Variants in NOXA1 observed in about 807,000 individuals in gnomAD.
NOXA1 encodes the protein NADPH oxidase activator 1, also known as NCF2-like protein.
In NOXA1, 56 loss-of-function variants were observed where a neutral mutation model predicts 64.8. The observed-to-expected ratio is 0.86, with a 90% CI of 0.70 to 1.08. NOXA1 has a LOEUF of 1.08. Ranked by LOEUF, NOXA1 falls within the 50% of genes least tolerant of loss-of-function variation. The probability of loss-of-function intolerance (pLI) is 0.00; values close to 1 mark genes in which losing one functional copy is unlikely to be tolerated. For missense variants in NOXA1, 668 were observed against 658.5 expected, an observed-to-expected ratio of 1.01 and a Z score of -0.16; for synonymous variants, 295 against 294.8, an observed-to-expected ratio of 1.00 and a Z score of -0.01.
At position 137,433,040 on chromosome 9, in the gene NOXA1, G is replaced by A. The variant is rs1028964399; in HGVS notation, c.816G>A (p.Val272=). ...STAYQEQRPQ[V]EQVGKQAPLS... Reference sequence around the variant, plus strand: ...TGCTTCTCTTGCAGAGGCCCCAGGTGGAGCAAGTTGGCAAACAGGCTCCTC... The same window carrying A: ...TGCTTCTCTTGCAGAGGCCCCAGGTAGAGCAAGTTGGCAAACAGGCTCCTC... The change falls in exon 9 of 14, where the codon GTG becomes GTA. Residue 272 remains valine (V), a synonymous_variant. Coordinates refer to ENST00000683555, the MANE Select transcript of NOXA1 (RefSeq NM_001256067.2). 1.2e-6 allele frequency: 2 copies of A among 1,612,786 alleles called. No homozygotes were observed.
At chr9:137,433,289 G>A in intron 10 of NOXA1, 26 bp downstream of exon 10, 1 of 1,541,912 alleles carries the variant, frequency 6.5e-7, no homozygotes, top group Non-Finnish European at 8.7e-7. Flanking sequence ...CCCTTCACCT[G>A]TCAGTCACCT....
chr9:137,429,142 G>T, intron 4 of NOXA1, 126 bp downstream of exon 4: 1 of 1,378,614 alleles, frequency 7.3e-7, no homozygotes, highest in East Asian at 2.6e-5. Context: ...GGTGCCAGGC[G>T]GGGGCTTCCT....
intron 1 of NOXA1, among the ~76,000 whole-genome samples, chr9:137,424,212 C>T (rs1283569894): frequency 4.6e-5 from 7 of 152,342 alleles, no homozygotes. Flanking sequence ...CCCACCCCCG[C>T]TCAGTCCCAA....
chr9:137,423,555 G>A lies in NOXA1; in HGVS notation c.26G>A (p.Arg9His). 3 of 1,445,814 alleles carry A rather than the reference G, an allele frequency of 2.1e-6. No individual in the cohort carries two copies. Among genetic ancestry groups the A allele is most frequent in the South Asian group, 1.4e-5 (1 of 70,974 alleles). 89.6% of individuals were successfully genotyped at this position (1,445,814 alleles called of 1,614,324 possible). MASLGDLV[R>H]AWHLGAQAVD... ...ATGGCCTCTCTGGGGGACCTGGTGCGCGCCTGGCACCTGGGCGCGCAGGCT... is the reference window on the plus strand; with the variant it reads ...ATGGCCTCTCTGGGGGACCTGGTGCACGCCTGGCACCTGGGCGCGCAGGCT... Residue 9 changes from arginine to histidine, a missense_variant, in exon 1 of 14, where the codon CGC becomes CAC. Physicochemically the swap from Arg to His is conservative, Grantham distance 29. Transcript: ENST00000683555.
intron 10 of NOXA1, 27 bp downstream of exon 10, chr9:137,433,290 T>A: frequency 1.3e-6 from 2 of 1,540,454 alleles, no homozygotes; most frequent in Non-Finnish European, 1.7e-6. Flanking sequence ...CCTTCACCTG[T>A]CAGTCACCTG....
At chr9:137,430,209 G>C (rs1040832085) in intron 5 of NOXA1, among the ~76,000 whole-genome samples, 1 of 152,088 alleles carries the variant, frequency 6.6e-6, no homozygotes, top group Non-Finnish European at 1.5e-5. Flanking sequence ...GCAGTCCGAC[G>C]GTCTGGGCCA....
chr9:137,426,847 A>G (rs1487211241), intron 2 of NOXA1, among the ~76,000 whole-genome samples: 1 of 152,244 alleles, frequency 6.6e-6, no homozygotes, highest in East Asian at 1.9e-4. Flanking sequence ...TCCAGGCTGG[A>G]GTGCAATTGT....
intron 2 of NOXA1, among the ~76,000 whole-genome samples, chr9:137,427,252 G>A (rs1351116834): frequency 6.6e-6 from 1 of 152,208 alleles, no homozygotes; most frequent in Non-Finnish European, 1.5e-5. Flanking sequence ...ACTACGAGCA[G>A]ATGAACAGTG....
chr9:137,429,446 C>T (rs1199121446), intron 5 of NOXA1, 63 bp downstream of exon 5: 7 of 1,213,676 alleles, frequency 5.8e-6, no homozygotes, highest in Non-Finnish European at 5.9e-6. Context: ...ACTGTGTTCC[C>T]AGGGATGGGG....
At chr9:137,423,953 G>A (rs1445781246) in intron 1 of NOXA1, among the ~76,000 whole-genome samples, 1 of 152,152 alleles carries the variant, frequency 6.6e-6, no homozygotes, top group African/African-American at 2.4e-5. Context: ...GGAAGCTGCT[G>A]GGCTGGGTCA....
At position 137,431,606 on chromosome 9, in the gene NOXA1, C is replaced by T. The variant is rs1396193350; in HGVS notation, c.804+265C>T. Among the ~76,000 whole-genome samples the T allele has an allele frequency of 6.6e-6, 1 of 152,222 alleles. No homozygotes were observed. The highest frequency in any genetic ancestry group is 2.4e-5 in the African/African-American group (1 of 41,454). On this transcript the variant is annotated intron_variant, in intron 8 of 13. Transcript: ENST00000683555. The surrounding 1 kb of genome is among the most constrained non-coding windows in gnomAD (Gnocchi z 5.6). The stretch of plus-strand genomic sequence containing the variant: ...CCACGTAGCCCTGCAGGCCCTCAGC[C>T]CCCAGGACCACCTCAGTTTGGCCAT...
chr9:137,433,666 G>A (rs1178810493), intron 11 of NOXA1, 59 bp downstream of exon 11: 2 of 1,515,684 alleles, frequency 1.3e-6, no homozygotes, highest in Non-Finnish European at 1.8e-6. Context: ...GACTGAGGCA[G>A]CTGCTGGAAG....
At chr9:137,425,185 A>G (rs1346356556) in intron 1 of NOXA1, among the ~76,000 whole-genome samples, 1 of 152,174 alleles carries the variant, frequency 6.6e-6, no homozygotes, top group Non-Finnish European at 1.5e-5. Flanking sequence ...GATTTGTGAA[A>G]GAGACCGTAG....
intron 1 of NOXA1, 148 bp downstream of exon 1, chr9:137,423,854 G>A (rs1165367050): frequency 6.0e-6 from 4 of 667,384 alleles, no homozygotes; most frequent in Non-Finnish European, 6.2e-6. Context: ...GAGCAGGGGG[G>A]CCGCACCTGA....
Position 137,430,803 on chromosome 9 carries a change from C to G in NOXA1, c.632C>G (p.Pro211Arg), listed in dbSNP as rs1375485286. ...GKAKVVASAI[P>R]DDQGWGVRPQ... The stretch of plus-strand genomic sequence containing the variant: ...CGCCAGGTGGTGGCCTCTGCCATCC[C>G]CGACGACCAGGGCTGGGGCGTCCGC... Residue 211 changes from proline (P) to arginine (R), a missense_variant, in exon 6 of 14, where the codon CCC (proline) becomes CGC (arginine). Pro to Arg is a moderately radical substitution (Grantham distance 103). Coordinates refer to ENST00000683555, the MANE Select transcript of NOXA1 (RefSeq NM_001256067.2). 2 of 1,595,322 alleles carry G rather than the reference C, an allele frequency of 1.3e-6. No individual in the cohort carries two copies. The highest frequency in any genetic ancestry group is 1.7e-6 in the Non-Finnish European group (2 of 1,175,552).
Position 137,433,254 on chromosome 9 carries a change from G to C in NOXA1, c.900G>C (p.Ala300=), listed in dbSNP as rs143983031. 6.3e-7 allele frequency: 1 copy of C among 1,589,668 alleles called. No homozygotes were observed. Among genetic ancestry groups the C allele is most frequent in the Non-Finnish European group, 8.5e-7 (1 of 1,169,792 alleles). Residue 300 remains alanine, a synonymous_variant, in exon 10 of 14, where the codon GCG becomes GCC. Transcript: ENST00000683555. The part of the protein sequence containing the change: ...GPGPGPCEDP[A]GAGGAGAGGS... ...GCCCCGGCCCCTGTGAGGACCCCGC[G>C]GGTGCTGGGGTAAGAGGCTCTAGAC... is the stretch of plus-strand genomic sequence containing the variant.
At chr9:137,430,134 C>A (rs1228726888) in intron 5 of NOXA1, among the ~76,000 whole-genome samples, 1 of 148,130 alleles carries the variant, frequency 6.8e-6, no homozygotes, top group Admixed American at 6.7e-5. Flanking sequence ...CCACAGATAG[C>A]GAGGTCCCTG....
intron 5 of NOXA1, among the ~76,000 whole-genome samples, chr9:137,430,004 T>C (rs1354210423): frequency 1.2e-5 from 1 of 80,500 alleles, no homozygotes; most frequent in African/African-American, 5.3e-5. Context: ...CTGCCACAGG[T>C]AGCGAGGTCC....
Position 137,431,261 on chromosome 9 carries a change from G to A in NOXA1, c.724G>A (p.Ala242Thr). Residue 242 changes from alanine (A) to threonine (T), a missense_variant, in exon 8 of 14, where the codon GCT (alanine) becomes ACT (threonine). By Grantham distance (58) the Ala-to-Thr change is moderately conservative. Coordinates refer to ENST00000683555, the MANE Select transcript of NOXA1 (RefSeq NM_001256067.2). This position sits in a 1 kb window ranked among gnomAD's most constrained non-coding sequence, Gnocchi z 5.6. Reference protein sequence around the residue: ...ARSLIMDSPRAGTHQGPLDAE... With the variant: ...ARSLIMDSPRTGTHQGPLDAE... ...GTCCCTAATCATGGACTCCCCAAGAGCTGGCACCCACCAGGGCCCCCTCGA... is the reference window on the plus strand; with the variant it reads ...GTCCCTAATCATGGACTCCCCAAGAACTGGCACCCACCAGGGCCCCCTCGA... The A allele has an allele frequency of 6.2e-7, 1 of 1,612,860 alleles. No homozygotes were observed. Among genetic ancestry groups the A allele is most frequent in the Non-Finnish European group, 8.5e-7 (1 of 1,179,942 alleles).
Sources: allele counts gnomAD v4.1 joint callset (sites outside exome capture counted in the v4.1 genomes callset), GRCh38; gene constraint gnomAD v4.1.1; non-coding constraint Gnocchi (gnomAD v3.1); transcripts MANE v1.5; gene names NCBI Gene and HGNC (gene_info 2026-07-23, HGNC 2026-07-21).